SPATA13: variants seen among roughly 807,000 people sequenced by gnomAD.
SPATA13 encodes the protein spermatogenesis-associated protein 13.
SPATA13 carries 50 observed loss-of-function variants against 104.0 expected under a neutral mutation model. That is an observed-to-expected ratio of 0.48 (90% CI 0.38 to 0.61). SPATA13 has a LOEUF of 0.61. Among genes scored for constraint, SPATA13 ranks in the 20% least tolerant of loss-of-function variants. SPATA13 has a pLI of 0.00. For synonymous variants in SPATA13, 606 were observed against 667.5 expected, an observed-to-expected ratio of 0.91 and a Z score of 1.42; for missense variants, 1,524 against 1,690.6, an observed-to-expected ratio of 0.90 and a Z score of 1.73.
chr13:24,051,597 A>G lies in SPATA13; in HGVS notation c.-112+33896A>G, dbSNP rs1464045181. 6.6e-6 allele frequency among the ~76,000 whole-genome samples: 1 copy of G among 151,822 alleles called. No homozygotes were observed. The stretch of plus-strand genomic sequence containing the variant: ...GCTTCCTCCGTCTCCCTGCTGGTCT[A>G]GTAGAGTGGAGCCAGCGGAGACAAT... On this transcript the variant is annotated intron_variant, in intron 3 of 14. Coordinates refer to the SPATA13 transcript ENST00000424834. This position sits in a 1 kb window ranked among gnomAD's most constrained non-coding sequence, Gnocchi z 4.2.
At chr13:24,019,503 T>C (rs1187819091) in intron 3 of SPATA13, among the ~76,000 whole-genome samples, 1 of 152,260 alleles carries the variant, frequency 6.6e-6, no homozygotes, top group Non-Finnish European at 1.5e-5. Context: ...TTTGTGAACT[T>C]ACAGATCCAT....
At chr13:24,246,136 C>A (rs566966955) in intron 2 of SPATA13, among the ~76,000 whole-genome samples, 6 of 152,234 alleles carry the variant, frequency 3.9e-5, no homozygotes, top group Non-Finnish European at 7.4e-5. Context: ...TAGAACAGAA[C>A]AAAGGGCTGC....
intron 1 of SPATA13, among the ~76,000 whole-genome samples, chr13:24,207,156 G>A (rs981248696): frequency 6.6e-6 from 1 of 152,190 alleles, no homozygotes; most frequent in Non-Finnish European, 1.5e-5. Flanking sequence ...TTGTAAGTGG[G>A]AGCTGAATGA....
chr13:24,123,357 T>C (rs1228580869), intron 3 of SPATA13: 48 of 1,310,602 alleles, frequency 3.7e-5, no homozygotes, highest in Middle Eastern at 2.2e-4. Flanking sequence ...ACAGAAATAG[T>C]GAATTACCCA....
At chr13:23,991,567 A>G (rs1875419519) in intron 2 of SPATA13, among the ~76,000 whole-genome samples, 1 of 152,272 alleles carries the variant, frequency 6.6e-6, no homozygotes, top group South Asian at 2.1e-4. Flanking sequence ...CCCGGCCCGC[A>G]GTGTCCAGCT....
chr13:24,120,582 T>TGAAAA (rs531059480), intron 3 of SPATA13, among the ~76,000 whole-genome samples: 283 of 152,356 alleles, frequency 1.9e-3, no homozygotes, highest in African/African-American at 6.5e-3. Flanking sequence ...TATACCACCC[T>TGAAAA]CTGCCTCTGT....
Position 24,251,565 on chromosome 13 carries a change from T to C in SPATA13, c.2020-153T>C. On this transcript the variant is annotated intron_variant, in intron 3 of 12. Transcript: ENST00000382108. ...AAACTGTAGCATCATGAGTTGCCAC[T>C]GGGCTTCGGTGCAGCCTGCAACTCG... The C allele has an allele frequency of 2.7e-6, 4 of 1,487,996 alleles. No individual in the cohort carries two copies. The South Asian group carries it at 4.1e-5, about 15-fold the overall frequency. The allele number at this position is 1,487,996 out of a possible 1,614,324, so 92.2% of individuals were successfully genotyped here.
intron 11 of SPATA13, 105 bp from the exon 12 acceptor site, chr13:24,300,296 A>T: frequency 1.3e-6 from 1 of 784,404 alleles, no homozygotes; most frequent in Non-Finnish European, 2.1e-6. Flanking sequence ...TCTCTGTCTC[A>T]GGTTGTGGTG....
chr13:24,290,444 AG>A (rs900861106), intron 8 of SPATA13, among the ~76,000 whole-genome samples: 9 of 152,218 alleles, frequency 5.9e-5, no homozygotes, highest in African/African-American at 1.9e-4. Flanking sequence ...AGCCTGCTGA[AG>A]CACCCCTTCT....
At chr13:24,233,687 T>C (rs1275803400) in intron 2 of SPATA13, among the ~76,000 whole-genome samples, 1 of 152,250 alleles carries the variant, frequency 6.6e-6, no homozygotes, top group African/African-American at 2.4e-5. Flanking sequence ...TAATTCTTTT[T>C]CAACGGAAAG....
At chr13:24,261,539 A>G (rs189369984) in intron 4 of SPATA13, among the ~76,000 whole-genome samples, 33 of 152,312 alleles carry the variant, frequency 2.2e-4, no homozygotes, top group African/African-American at 7.5e-4. Flanking sequence ...AGTGGGGGTA[A>G]AAATGAGAAG....
intron 3 of SPATA13, among the ~76,000 whole-genome samples, chr13:24,094,448 C>T (rs1593325230): frequency 1.3e-5 from 2 of 152,304 alleles, no homozygotes; most frequent in East Asian, 1.9e-4. Context: ...CTCAGAATGC[C>T]AGCACACAGC....
intron 1 of SPATA13, among the ~76,000 whole-genome samples, chr13:24,180,676 GTA>G (rs1868742486): frequency 6.6e-6 from 1 of 152,092 alleles, no homozygotes; most frequent in African/African-American, 2.4e-5. Context: ...AGCTTACAGA[GTA>G]TATGTTTTAT....
intron 3 of SPATA13, among the ~76,000 whole-genome samples, chr13:24,111,964 T>C (rs1880655383): frequency 6.6e-6 from 1 of 152,226 alleles, no homozygotes; most frequent in African/African-American, 2.4e-5. Context: ...CACTTTCTCA[T>C]TCTTATATTC....
At chr13:24,157,109 C>A (rs1566124542), upstream of SPATA13, among the ~76,000 whole-genome samples, 1 of 152,164 alleles carries the variant, frequency 6.6e-6, no homozygotes, top group Non-Finnish European at 1.5e-5. Flanking sequence ...TTACTTCCTC[C>A]AGGTGAAAGT....
intron 3 of SPATA13, among the ~76,000 whole-genome samples, chr13:24,132,245 G>A (rs558299291): frequency 3.3e-5 from 5 of 152,362 alleles, no homozygotes; most frequent in Admixed American, 1.3e-4. Context: ...ACACTGCAGA[G>A]CTGCCATGCA....
intron 3 of SPATA13, among the ~76,000 whole-genome samples, chr13:24,097,182 G>T (rs970232150): frequency 2.4e-4 from 36 of 152,236 alleles, no homozygotes; most frequent in African/African-American, 7.9e-4. Flanking sequence ...TGGCTGGGTG[G>T]GTGTGTGAGG....
At chr13:24,099,403 T>C (rs1303810091) in intron 3 of SPATA13, among the ~76,000 whole-genome samples, 2 of 152,222 alleles carry the variant, frequency 1.3e-5, no homozygotes, top group East Asian at 1.9e-4. Flanking sequence ...TAAAATCAAA[T>C]AAAAATGTTA....
intron 1 of SPATA13, among the ~76,000 whole-genome samples, chr13:24,211,347 A>T (rs1309406781): frequency 6.6e-6 from 1 of 152,146 alleles, no homozygotes; most frequent in Non-Finnish European, 1.5e-5. Flanking sequence ...CTAGAGGAAA[A>T]GCTTTCAGGT....
Sources: allele counts gnomAD v4.1 joint callset (sites outside exome capture counted in the v4.1 genomes callset), GRCh38; gene constraint gnomAD v4.1.1; non-coding constraint Gnocchi (gnomAD v3.1); transcripts MANE v1.5; gene names NCBI Gene and HGNC (gene_info 2026-07-23, HGNC 2026-07-21).